The following WDR49 variants were observed in gnomAD, a reference collection of about 807,000 sequenced individuals.
WDR49 encodes WD repeat domain 49.
In WDR49, 107 loss-of-function variants were observed where a neutral mutation model predicts 119.5. The observed-to-expected ratio is 0.90, with a 90% CI of 0.77 to 1.05. The LOEUF is 1.05. Among genes scored for constraint, WDR49 ranks in the 50% least tolerant of loss-of-function variants. WDR49 has a pLI of 0.00. For missense variants in WDR49, 1,240 were observed against 1,220.5 expected, an observed-to-expected ratio of 1.02 and a Z score of -0.24; for synonymous variants, 425 against 418.8, an observed-to-expected ratio of 1.01 and a Z score of -0.18.
chr3:167,656,974 T>C (rs1232304226), upstream of WDR49, among the ~76,000 whole-genome samples: 1 of 152,174 alleles, frequency 6.6e-6, no homozygotes, highest in Non-Finnish European at 1.5e-5. Context: ...AGTAAGCTGA[T>C]ACATCCATTG....
intron 2 of WDR49, among the ~76,000 whole-genome samples, chr3:167,642,076 A>T (rs1236445115): frequency 2.0e-5 from 3 of 151,946 alleles, no homozygotes; most frequent in Non-Finnish European, 4.4e-5. Context: ...AATTTTCCTA[A>T]GTATGCATTT....
chr3:167,625,766 A>G (rs1046114402), intron 3 of WDR49, among the ~76,000 whole-genome samples: 2 of 152,076 alleles, frequency 1.3e-5, no homozygotes, highest in Admixed American at 6.6e-5. Context: ...GCAAGGCTTT[A>G]CACTTGACCA....
chr3:167,566,977 C>G (rs1294670457), intron 8 of WDR49: 2 of 552,134 alleles, frequency 3.6e-6, no homozygotes, highest in South Asian at 2.6e-5. Flanking sequence ...GAAAGGGAGG[C>G]AGGAGGTCAG....
At chr3:167,511,346 C>G (rs191804204) in intron 16 of WDR49, among the ~76,000 whole-genome samples, 1 of 152,074 alleles carries the variant, frequency 6.6e-6, no homozygotes, top group Non-Finnish European at 1.5e-5. Context: ...CTTTTTGATG[C>G]GTTATTTTTT....
At chr3:167,485,956 T>A (rs551738821) in intron 18 of WDR49, among the ~76,000 whole-genome samples, 1 of 151,734 alleles carries the variant, frequency 6.6e-6, no homozygotes, top group Non-Finnish European at 1.5e-5. Flanking sequence ...AGTTAGCAGA[T>A]TCACCAAGGT....
chr3:167,646,571 T>C (rs1718139191), intron 2 of WDR49, among the ~76,000 whole-genome samples: 1 of 152,240 alleles, frequency 6.6e-6, no homozygotes, highest in Non-Finnish European at 1.5e-5. Context: ...CAGTCCAGTA[T>C]AGTAGCTACT....
intron 7 of WDR49, among the ~76,000 whole-genome samples, chr3:167,593,815 C>T (rs1715262299): frequency 6.6e-6 from 1 of 152,038 alleles, no homozygotes; most frequent in Non-Finnish European, 1.5e-5. Context: ...GAGGGAAGGA[C>T]CTAGTTGTAG....
chr3:167,554,910 T>C (rs1309733236), intron 9 of WDR49, 112 bp from the exon 10 acceptor site: 1 of 790,736 alleles, frequency 1.3e-6, no homozygotes, highest in Non-Finnish European at 2.0e-6. Context: ...CAACTCATCA[T>C]TGAATTTTGC....
chr3:167,483,558 C>G (rs1750806928), intron 18 of WDR49, among the ~76,000 whole-genome samples: 1 of 151,806 alleles, frequency 6.6e-6, no homozygotes. Flanking sequence ...TTTCTTGGGC[C>G]TGAAAGTTAC....
chr3:167,551,577 C>A (rs1024874085), intron 10 of WDR49, among the ~76,000 whole-genome samples: 2 of 151,996 alleles, frequency 1.3e-5, no homozygotes, highest in African/African-American at 4.8e-5. Flanking sequence ...AATTCTAACT[C>A]AGCGGCCTAC....
At chr3:167,571,365 A>G (rs530661080) in intron 8 of WDR49, among the ~76,000 whole-genome samples, 28 of 152,346 alleles carry the variant, frequency 1.8e-4, no homozygotes, top group African/African-American at 5.8e-4. Flanking sequence ...AGAGGTTAGA[A>G]GCAGGATAAA....
chr3:167,584,873 G>C (rs1714725975), intron 7 of WDR49, among the ~76,000 whole-genome samples: 1 of 152,106 alleles, frequency 6.6e-6, no homozygotes, highest in Admixed American at 6.5e-5. Context: ...TTTGTGTCTA[G>C]GTTAGAGCCA....
chr3:167,604,519 G>A lies in WDR49; in HGVS notation c.959-51C>T, dbSNP rs80264027. On this transcript the variant is annotated intron_variant, in intron 5 of 18. Transcript: ENST00000682715. ...ACAATCTTTAGTTGATTCTTCACAAGATATTAGTAAAATGGAGCTGTTTTA... is the reference window on the plus strand; with the variant it reads ...ACAATCTTTAGTTGATTCTTCACAAAATATTAGTAAAATGGAGCTGTTTTA... 9,378 of 1,482,702 alleles carry A rather than the reference G, an allele frequency of 6.3e-3. 688 individuals carry two copies. In the East Asian group the frequency reaches 0.17, roughly 27 times the overall value. 91.8% of individuals were successfully genotyped at this position (1,482,702 alleles called of 1,614,324 possible).
chr3:167,632,858 C>CA (rs1368032775), intron 2 of WDR49, among the ~76,000 whole-genome samples: 1 of 151,952 alleles, frequency 6.6e-6, no homozygotes, highest in Non-Finnish European at 1.5e-5. Flanking sequence ...TAAGTCTTAG[C>CA]CCCAATTATG....
At chr3:167,499,244 A>G (rs2108207710) in intron 18 of WDR49, among the ~76,000 whole-genome samples, 1 of 152,328 alleles carries the variant, frequency 6.6e-6, no homozygotes, top group Non-Finnish European at 1.5e-5. Context: ...CAAAGCAAAG[A>G]GGAGACTCTT....
At chr3:167,575,419 T>C (rs1436095458) in intron 8 of WDR49, among the ~76,000 whole-genome samples, 2 of 152,218 alleles carry the variant, frequency 1.3e-5, no homozygotes, top group African/African-American at 4.8e-5. Context: ...TTGTGCTGCA[T>C]ACCAAGTGGC....
intron 10 of WDR49, among the ~76,000 whole-genome samples, chr3:167,542,596 T>C (rs1313949389): frequency 1.3e-5 from 2 of 152,018 alleles, no homozygotes; most frequent in African/African-American, 4.8e-5. Context: ...TGAACAATAA[T>C]AGTGACACAA....
chr3:167,558,213 T>C (rs1560285023), intron 9 of WDR49, among the ~76,000 whole-genome samples: 1 of 152,178 alleles, frequency 6.6e-6, no homozygotes, highest in Non-Finnish European at 1.5e-5. Flanking sequence ...AGGGATGATA[T>C]ATTTTCACTA....
chr3:167,542,487 C>A (rs1318285984), intron 10 of WDR49, among the ~76,000 whole-genome samples: 6 of 151,976 alleles, frequency 3.9e-5, no homozygotes, highest in Admixed American at 3.3e-4. Context: ...AAAAGGAACC[C>A]TCAAAACTAT....
Sources: allele counts gnomAD v4.1 joint callset (sites outside exome capture counted in the v4.1 genomes callset), GRCh38; gene constraint gnomAD v4.1.1; transcripts MANE v1.5; gene names NCBI Gene and HGNC (gene_info 2026-07-23, HGNC 2026-07-21).